Variants in ATAD2B observed in about 807,000 individuals in gnomAD.
ATAD2B encodes ATPase family AAA domain-containing protein 2B.
ATAD2B carries 40 observed loss-of-function variants against 167.6 expected under a neutral mutation model. The observed-to-expected ratio is 0.24, with a 90% CI of 0.19 to 0.31. The LOEUF (loss-of-function observed/expected upper bound fraction) is 0.31. Ranked by LOEUF, ATAD2B falls within the 10% of genes least tolerant of loss-of-function variation. The probability of loss-of-function intolerance (pLI) is 1.00; values close to 1 mark genes in which losing one functional copy is unlikely to be tolerated. For synonymous variants in ATAD2B, 579 were observed against 596.5 expected (o/e 0.97, Z 0.43); for missense variants, 1,242 against 1,757.2 (o/e 0.71, Z 5.24).
rs192209373 is a variant in ATAD2B, at chr2:23,869,719, A to G, written c.1020T>C (p.Ser340=). 2,724 of 1,568,834 alleles carry G rather than the reference A, an allele frequency of 1.7e-3. 5 individuals carry two copies. Among genetic ancestry groups the G allele is most frequent in the Non-Finnish European group, 2.0e-3 (2,366 of 1,154,842 alleles). Residue 340 remains serine, a synonymous_variant, in exon 9 of 28, where the codon TCT becomes TCC. Coordinates refer to ENST00000238789, the MANE Select transcript of ATAD2B (RefSeq NM_017552.4). ...HAIHSSDTTS[S]DEERFERRKS... Reference sequence around the variant, plus strand: ...TCCTTCTTTCAAAGCGTTCCTCATCAGAAGAAGTTGTGTCACTACTATGAA... The same window carrying G: ...TCCTTCTTTCAAAGCGTTCCTCATCGGAAGAAGTTGTGTCACTACTATGAA...
intron 24 of ATAD2B, among the ~76,000 whole-genome samples, chr2:23,759,094 AC>A (rs1676314131): frequency 6.6e-6 from 1 of 152,212 alleles, no homozygotes; most frequent in African/African-American, 2.4e-5. Flanking sequence ...TCTTCAGAAC[AC>A]TTAAATACAA....
intron 25 of ATAD2B, 123 bp from the exon 26 acceptor site, chr2:23,754,897 T>G: frequency 9.9e-7 from 1 of 1,012,316 alleles, no homozygotes; most frequent in Non-Finnish European, 1.4e-6. Flanking sequence ...GGTGTATTCT[T>G]AAGTGATTTT....
At chr2:23,787,664 T>G (rs1293599611) in intron 20 of ATAD2B, among the ~76,000 whole-genome samples, 1 of 151,692 alleles carries the variant, frequency 6.6e-6, no homozygotes, top group Non-Finnish European at 1.5e-5. Flanking sequence ...TATGGAAAAA[T>G]AAGGACTTGG....
chr2:23,911,524 C>T (rs1431684015), intron 1 of ATAD2B, among the ~76,000 whole-genome samples: 1 of 150,708 alleles, frequency 6.6e-6, no homozygotes, highest in Non-Finnish European at 1.5e-5. Context: ...CTCTTCACTC[C>T]AGCCTGGATG....
chr2:23,724,070 AG>A, the ATAD2B span, among the ~76,000 whole-genome samples: 3 of 152,350 alleles, frequency 2.0e-5, no homozygotes, highest in African/African-American at 7.2e-5. Context: ...GTTAAAAAAA[AG>A]TTTATCTCAT....
At chr2:23,890,717 T>G (rs1478441194) in intron 2 of ATAD2B, among the ~76,000 whole-genome samples, 1 of 152,178 alleles carries the variant, frequency 6.6e-6, no homozygotes, top group Non-Finnish European at 1.5e-5. Context: ...TTCAAAAGAA[T>G]AAGATGCAGA....
At chr2:23,882,822 AAC>A (rs199755466) in intron 6 of ATAD2B, among the ~76,000 whole-genome samples, 28 of 146,166 alleles carry the variant, frequency 1.9e-4, no homozygotes, top group African/African-American at 3.5e-4. Flanking sequence ...CAACAACAAC[AAC>A]AAAAAAAAAA....
chr2:23,849,010 C>T (rs913587024), intron 13 of ATAD2B, among the ~76,000 whole-genome samples: 13 of 147,856 alleles, frequency 8.8e-5, no homozygotes, highest in African/African-American at 3.2e-4. Flanking sequence ...AAAATTGAGA[C>T]TCTAAAAAAA....
rs982816760 is a variant in ATAD2B, at chr2:23,857,477, T to A, written c.1506A>T (p.Ile502=). Residue 502 remains isoleucine, a synonymous_variant, in exon 13 of 28, where the codon ATA becomes ATT. Transcript: ENST00000238789. ...CTAATCCATCTATTTCATCAAAAAA[T>A]ATTATAGAAGGTCTCATCAAATATG... ...DQAYLMRPSI[I]FFDEIDGLAP... 29 of 1,509,852 alleles carry A rather than the reference T, an allele frequency of 1.9e-5. No individual in the cohort carries two copies. Among genetic ancestry groups the A allele is most frequent in the Non-Finnish European group, 2.5e-5 (28 of 1,132,234 alleles). 93.5% of individuals were successfully genotyped at this position (1,509,852 alleles called of 1,614,324 possible).
chr2:23,844,683 T>A (rs962247454), intron 13 of ATAD2B, among the ~76,000 whole-genome samples: 1 of 151,870 alleles, frequency 6.6e-6, no homozygotes, highest in Non-Finnish European at 1.5e-5. Context: ...CTAACCAAAA[T>A]GAAACACAGA....
In ATAD2B at chr2:23,869,698, T is replaced by C; in HGVS notation, c.1041A>G (p.Arg347=). 1 of 1,568,534 alleles carries C rather than the reference T, an allele frequency of 6.4e-7. No individual in the cohort carries two copies. Among genetic ancestry groups the C allele is most frequent in the Non-Finnish European group, 8.7e-7 (1 of 1,154,718 alleles). ...TTSSDEERFE[R]RKSKSMARAR... ...CTCTTGCCATGCTCTTTGATTTCCTTCTTTCAAAGCGTTCCTCATCAGAAG... is the reference window on the plus strand; with the variant it reads ...CTCTTGCCATGCTCTTTGATTTCCTCCTTTCAAAGCGTTCCTCATCAGAAG... Residue 347 remains arginine (R), a synonymous_variant, in exon 9 of 28, where the codon AGA becomes AGG. Transcript: ENST00000238789.
chr2:23,762,004 T>C (rs184867603), intron 24 of ATAD2B, among the ~76,000 whole-genome samples: 4 of 152,256 alleles, frequency 2.6e-5, no homozygotes, highest in South Asian at 2.1e-4. Flanking sequence ...GCAAATAATA[T>C]TGAATAGGGA....
intron 7 of ATAD2B, among the ~76,000 whole-genome samples, chr2:23,878,091 T>C (rs1444596055): frequency 6.9e-6 from 1 of 144,866 alleles, no homozygotes; most frequent in Non-Finnish European, 1.5e-5. Flanking sequence ...CCAGGCATGG[T>C]GGCTCAGGTC....
chr2:23,803,834 A>G (rs1370438289), intron 18 of ATAD2B, among the ~76,000 whole-genome samples: 1 of 152,238 alleles, frequency 6.6e-6, no homozygotes, highest in Non-Finnish European at 1.5e-5. Context: ...AAGTGATTTA[A>G]GATTCCCTTT....
At chr2:23,763,155 A>G (rs761460815) in intron 23 of ATAD2B, among the ~76,000 whole-genome samples, 1 of 152,188 alleles carries the variant, frequency 6.6e-6, no homozygotes, top group Non-Finnish European at 1.5e-5. Context: ...TAGATTCCCT[A>G]TCTAGATTGG....
At chr2:23,760,692 A>T (rs1439876485) in intron 24 of ATAD2B, among the ~76,000 whole-genome samples, 57 of 103,356 alleles carry the variant, frequency 5.5e-4, no homozygotes, top group Non-Finnish European at 7.1e-4. Context: ...AAATAAATTT[A>T]TATATATACA....
At chr2:23,872,282 C>T (rs944451973) in intron 8 of ATAD2B, 25 of 488,718 alleles carry the variant, frequency 5.1e-5, no homozygotes, top group Middle Eastern at 7.3e-4. Context: ...ACAGCTTCCA[C>T]GGCTTTACGC....
rs1273138275 is a variant in ATAD2B, at chr2:23,823,405, G to A, written c.1984C>T (p.Pro662Ser). The change falls in exon 16 of 28, where the codon CCT (proline) becomes TCT (serine). Residue 662 changes from proline to serine, a missense_variant. Transcript: ENST00000238789. ...DFYHAMQNIV[P>S]ASQRAVMSSG... Reference sequence around the variant, plus strand: ...GACATCACAGCACGTTGGGAAGCAGGCACGATATTCTGCATTGCATGGTAA... The same window carrying A: ...GACATCACAGCACGTTGGGAAGCAGACACGATATTCTGCATTGCATGGTAA... The A allele has an allele frequency of 4.3e-6, 7 of 1,613,960 alleles. No individual in the cohort carries two copies. The highest frequency in any genetic ancestry group is 1.3e-5 in the African/African-American group (1 of 75,036).
the ATAD2B span, among the ~76,000 whole-genome samples, chr2:23,738,646 G>A: frequency 6.6e-6 from 1 of 152,074 alleles, no homozygotes; most frequent in Non-Finnish European, 1.5e-5. Flanking sequence ...ATCAACTAAC[G>A]GGCAAAATAA....
Sources: allele counts gnomAD v4.1 joint callset (sites outside exome capture counted in the v4.1 genomes callset), GRCh38; gene constraint gnomAD v4.1.1; transcripts MANE v1.5; gene names NCBI Gene and HGNC (gene_info 2026-07-23, HGNC 2026-07-21).